Variants in WDPCP observed in about 807,000 individuals in gnomAD.
WDPCP encodes WD repeat-containing and planar cell polarity effector protein fritz homolog.
Under a neutral mutation model 93.1 loss-of-function variants are expected in WDPCP, and 71 were observed. The ratio of observed to expected loss-of-function variants is 0.76; its 90% CI spans 0.63 to 0.93. The LOEUF is 0.93. WDPCP is among the 40% of genes least tolerant of loss of function. WDPCP has a pLI of 0.00. For missense variants in WDPCP, 844 were observed against 887.4 expected (o/e 0.95, Z 0.62); for synonymous variants, 315 against 315.0 (o/e 1.00, Z 0.00).
At chr2:63,548,408 A>G (rs1028500481) in intron 1 of WDPCP, among the ~76,000 whole-genome samples, 2 of 152,148 alleles carry the variant, frequency 1.3e-5, no homozygotes, top group Non-Finnish European at 1.5e-5. Context: ...CAAAATATAT[A>G]AAACAAAAAC....
At chr2:63,529,314 C>G (rs984553080) in intron 1 of WDPCP, among the ~76,000 whole-genome samples, 4 of 152,130 alleles carry the variant, frequency 2.6e-5, no homozygotes, top group African/African-American at 9.7e-5. Context: ...GGAATGCTTC[C>G]AGTTTTTGCC....
At chr2:63,821,451 T>G (rs1398001122) in intron 1 of WDPCP, among the ~76,000 whole-genome samples, 1 of 152,162 alleles carries the variant, frequency 6.6e-6, no homozygotes, top group Non-Finnish European at 1.5e-5. Context: ...TTGAGTGTAG[T>G]ACAAATGAGG....
chr2:63,752,483 T>C, intron 2 of WDPCP: 2 of 776,094 alleles, frequency 2.6e-6, no homozygotes, highest in Non-Finnish European at 4.6e-6. Context: ...CCTGGAGCGC[T>C]TGGTGTTGGG....
chr2:63,541,502 CCTTT>C (rs1394539152), intron 1 of WDPCP, among the ~76,000 whole-genome samples: 4 of 152,054 alleles, frequency 2.6e-5, no homozygotes, highest in African/African-American at 9.7e-5. Flanking sequence ...ACCATAACAT[CCTTT>C]CTTGTTTTTT....
intron 3 of WDPCP, chr2:63,597,785 T>G: frequency 2.8e-6 from 1 of 363,084 alleles, no homozygotes; most frequent in Non-Finnish European, 4.8e-6. Flanking sequence ...TCAAAAATAT[T>G]TTTCCTATTA....
rs555995076 is a variant in WDPCP at position 63,407,739 on chromosome 2, G to T, written c.826-3082C>A. ...ATATTTTACACTTTTTTGTACCTGT[G>T]TAGCAGCTAGCCAAAAACTGTGCTG... On this transcript the variant is annotated intron_variant, in intron 9 of 17. Transcript: ENST00000272321. Among the ~76,000 whole-genome samples, 3 of 152,150 alleles carry T rather than the reference G, an allele frequency of 2.0e-5. No homozygotes were observed. In the South Asian group the frequency reaches 6.2e-4, roughly 31 times the overall value.
chr2:63,252,752 GAAATCAC>G (rs1680838856), intron 14 of WDPCP, among the ~76,000 whole-genome samples: 1 of 152,086 alleles, frequency 6.6e-6, no homozygotes, highest in African/African-American at 2.4e-5. Flanking sequence ...ACCGCTGAAA[GAAATCAC>G]AGACGACACC....
chr2:63,219,723 G>A (rs557414669), intron 14 of WDPCP, among the ~76,000 whole-genome samples: 9 of 152,082 alleles, frequency 5.9e-5, no homozygotes, highest in East Asian at 1.9e-4. Flanking sequence ...AAAACAGGCC[G>A]GACACGGTGG....
upstream of WDPCP, among the ~76,000 whole-genome samples, chr2:63,829,069 T>C (rs1671156999): frequency 6.6e-6 from 1 of 152,126 alleles, no homozygotes; most frequent in Admixed American, 6.5e-5. Context: ...TCAAACATTA[T>C]AGATGAGCAG....
intron 12 of WDPCP, among the ~76,000 whole-genome samples, chr2:63,322,867 A>G (rs1056384261): frequency 2.0e-5 from 3 of 151,952 alleles, no homozygotes; most frequent in Non-Finnish European, 4.4e-5. Flanking sequence ...ATTCTTTCCT[A>G]TTTTTCCTTA....
chr2:63,366,307 T>G (rs1039664498), intron 12 of WDPCP, among the ~76,000 whole-genome samples: 4 of 152,102 alleles, frequency 2.6e-5, no homozygotes, highest in Non-Finnish European at 4.4e-5. Context: ...CAACCCTACA[T>G]GAAAAGTCTT....
chr2:63,459,709 A>G (rs539696265), intron 6 of WDPCP, among the ~76,000 whole-genome samples: 1 of 152,310 alleles, frequency 6.6e-6, no homozygotes, highest in South Asian at 2.1e-4. Context: ...GGAGCTCAGG[A>G]GTTTGAGAAC....
At chr2:63,740,475 T>A (rs1431121114) in intron 2 of WDPCP, among the ~76,000 whole-genome samples, 1 of 152,140 alleles carries the variant, frequency 6.6e-6, no homozygotes, top group Non-Finnish European at 1.5e-5. Flanking sequence ...AAGGCATACA[T>A]CTTTCTTTAA....
intron 2 of WDPCP, among the ~76,000 whole-genome samples, chr2:63,765,608 A>G (rs563921452): frequency 6.6e-6 from 1 of 152,314 alleles, no homozygotes; most frequent in South Asian, 2.1e-4. Flanking sequence ...GCCAGGTCAC[A>G]TGCCTCTGGC....
At chr2:63,131,964 A>G (rs1326361150) in intron 17 of WDPCP, among the ~76,000 whole-genome samples, 1 of 150,680 alleles carries the variant, frequency 6.6e-6, no homozygotes, top group Non-Finnish European at 1.5e-5. Flanking sequence ...CCTCCTGAGT[A>G]GCTGGGATTA....
chr2:63,489,710 A>G (rs572956295), intron 2 of WDPCP, among the ~76,000 whole-genome samples: 29 of 152,232 alleles, frequency 1.9e-4, no homozygotes, highest in African/African-American at 6.0e-4. Flanking sequence ...CAAAATACAT[A>G]ATGAAATAAA....
chr2:63,594,294 C>T (rs765796969), intron 3 of WDPCP: 1 of 689,264 alleles, frequency 1.5e-6, no homozygotes, highest in Admixed American at 1.8e-5. Flanking sequence ...ACTTTTAGCT[C>T]CCTACATGGT....
At chr2:63,702,972 T>A (rs1669085598) in intron 2 of WDPCP, among the ~76,000 whole-genome samples, 1 of 151,724 alleles carries the variant, frequency 6.6e-6, no homozygotes, top group African/African-American at 2.4e-5. Context: ...ACATGTGGTG[T>A]TTGGTTTTTT....
intron 1 of WDPCP, among the ~76,000 whole-genome samples, chr2:63,497,197 G>A (rs954712168): frequency 6.6e-6 from 1 of 151,824 alleles, no homozygotes; most frequent in Non-Finnish European, 1.5e-5. Flanking sequence ...TGAATGTGGT[G>A]GTATACAGAC....
Sources: gnomAD v4.1 joint callset for allele counts (sites outside exome capture counted in the v4.1 genomes callset) on GRCh38, gnomAD v4.1.1 for gene constraint, MANE v1.5 for transcripts, NCBI Gene and HGNC (gene_info 2026-07-23, HGNC 2026-07-21) for gene names.